The following TRIM2 variants were observed in gnomAD, a reference collection of about 807,000 sequenced individuals.
The protein encoded by TRIM2 is tripartite motif containing 2, also known as tripartite motif-containing protein 2.
In TRIM2, 20 loss-of-function variants were observed where a neutral mutation model predicts 75.2. The observed-to-expected ratio is 0.27, with a 90% CI of 0.19 to 0.39. The LOEUF is 0.39. TRIM2 is among the 10% of genes least tolerant of loss of function. TRIM2 has a pLI of 1.00. For synonymous variants in TRIM2, 373 were observed against 388.3 expected, an observed-to-expected ratio of 0.96 and a Z score of 0.46; for missense variants, 660 against 990.8, an observed-to-expected ratio of 0.67 and a Z score of 4.48.
intron 1 of TRIM2, among the ~76,000 whole-genome samples, chr4:153,241,431 T>C (rs538786524): frequency 6.6e-6 from 1 of 152,344 alleles, no homozygotes; most frequent in East Asian, 1.9e-4. Context: ...CACAGGTTTG[T>C]GGGCGAGACA....
intron 2 of TRIM2, among the ~76,000 whole-genome samples, chr4:153,273,270 C>CTTTTTTTTTTTTTTTGTTTTTTTTTTTTT (rs1757201179): frequency 1.7e-5 from 1 of 57,390 alleles, no homozygotes; most frequent in South Asian, 9.7e-4. Flanking sequence ...TACAGTCACT[C>CTTTTTTTTTTTTTTTGTTTTTTTTTTTTT]TTTTTTTTTT....
intron 1 of TRIM2, among the ~76,000 whole-genome samples, chr4:153,239,741 CAT>C (rs1746014530): frequency 6.6e-6 from 1 of 152,042 alleles, no homozygotes; most frequent in South Asian, 2.1e-4. Context: ...TAGGTATATA[CAT>C]GTCTCCTTTG....
At chr4:153,242,318 C>CT (rs56401547) in intron 1 of TRIM2, among the ~76,000 whole-genome samples, 6,688 of 147,704 alleles carry the variant, frequency 0.045, 140 homozygotes, top group African/African-American at 0.053. Context: ...TGTCTTGTAT[C>CT]TTTTTTTTTT....
At chr4:153,328,773 T>C in intron 11 of TRIM2, 103 bp downstream of exon 11, 1 of 1,335,320 alleles carries the variant, frequency 7.5e-7, no homozygotes, top group South Asian at 1.7e-5. Flanking sequence ...TTCCATTGGT[T>C]AGGACATAGA....
intron 3 of TRIM2, among the ~76,000 whole-genome samples, chr4:153,281,795 A>G (rs1005030417): frequency 2.0e-5 from 3 of 152,250 alleles, no homozygotes; most frequent in Non-Finnish European, 4.4e-5. Flanking sequence ...GTGATCTAAC[A>G]GGTTCTTTGC....
chr4:153,229,273 G>C (rs1301052481), intron 1 of TRIM2, among the ~76,000 whole-genome samples: 3 of 151,966 alleles, frequency 2.0e-5, no homozygotes, highest in African/African-American at 7.3e-5. Context: ...GACTTGTTTT[G>C]TTTTGTTTGA....
At chr4:153,152,412 A>G (rs111593236), upstream of TRIM2, 8 of 42,688 alleles carry the variant, frequency 1.9e-4, no homozygotes, top group Admixed American at 1.9e-3. Flanking sequence ...ATGTGTGTAT[A>G]TATATATATA....
At chr4:153,175,075 T>A in intron 1 of TRIM2, among the ~76,000 whole-genome samples, 1 of 152,106 alleles carries the variant, frequency 6.6e-6, no homozygotes, top group Non-Finnish European at 1.5e-5. Flanking sequence ...AGTGGTGCAA[T>A]CTCGGCTCGC....
At chr4:153,306,054 G>A (rs568388432) in intron 6 of TRIM2, among the ~76,000 whole-genome samples, 4 of 152,048 alleles carry the variant, frequency 2.6e-5, no homozygotes, top group Non-Finnish European at 4.4e-5. Context: ...GCTCGAACCC[G>A]GGAGGTAGAG....
chr4:153,164,821 C>T (rs1374288581), intron 1 of TRIM2, among the ~76,000 whole-genome samples: 2 of 152,158 alleles, frequency 1.3e-5, no homozygotes, highest in Admixed American at 1.3e-4. Context: ...GTCTTGATTA[C>T]GTCTGTATTT....
Position 153,276,143 on chromosome 4 carries a change from G to T in TRIM2, c.453+13G>T. 1 of 1,609,422 alleles carries T rather than the reference G, an allele frequency of 6.2e-7. No individual in the cohort carries two copies. The highest frequency in any genetic ancestry group is 8.5e-7 in the Non-Finnish European group (1 of 1,175,712). Reference sequence around the variant, plus strand: ...CCACGATGGGAATGTAAGTGGCTGGGATGGCAGATACTGCCCGGGAGCATG... The same window carrying T: ...CCACGATGGGAATGTAAGTGGCTGGTATGGCAGATACTGCCCGGGAGCATG... On this transcript the variant is annotated intron_variant, in intron 3 of 11. Transcript: ENST00000338700.
chr4:153,227,036 A>G (rs1256277541), intron 1 of TRIM2, among the ~76,000 whole-genome samples: 1 of 152,188 alleles, frequency 6.6e-6, no homozygotes, highest in Admixed American at 6.5e-5. Flanking sequence ...GGCATTAGTG[A>G]GCATCCTTCT....
At chr4:153,208,814 A>C (rs924180235) in intron 1 of TRIM2, among the ~76,000 whole-genome samples, 1 of 152,130 alleles carries the variant, frequency 6.6e-6, no homozygotes, top group Non-Finnish European at 1.5e-5. Context: ...AGGTTTCTAG[A>C]TGATGCTCCA....
At position 153,295,212 on chromosome 4, in the gene TRIM2, G is replaced by C. The variant is rs528925650; in HGVS notation, c.787-101G>C. The C allele has an allele frequency of 4.3e-6, 6 of 1,410,162 alleles. No homozygotes were observed. Among genetic ancestry groups the C allele is most frequent in the Non-Finnish European group, 5.6e-6 (6 of 1,068,816 alleles). The allele number at this position is 1,410,162 out of a possible 1,614,324, so 87.4% of individuals were successfully genotyped here. On this transcript the variant is annotated intron_variant, in intron 5 of 11. Coordinates refer to ENST00000338700, the MANE Select transcript of TRIM2 (RefSeq NM_015271.5). This position sits in a 1 kb window ranked among gnomAD's most constrained non-coding sequence, Gnocchi z 7.2. ...ACACCGCTTGCTCAGAGCCACCTGC[G>C]TGGGCAGGTGTAGAGTCTCCTTCTC...
At chr4:153,238,109 A>G (rs1402281803) in intron 1 of TRIM2, among the ~76,000 whole-genome samples, 1 of 152,096 alleles carries the variant, frequency 6.6e-6, no homozygotes, top group African/African-American at 2.4e-5. Flanking sequence ...CTTCTTGTTT[A>G]TTTGTCCTTC....
chr4:153,270,078 G>A (rs1756276091), intron 1 of TRIM2, among the ~76,000 whole-genome samples: 1 of 152,046 alleles, frequency 6.6e-6, no homozygotes, highest in Non-Finnish European at 1.5e-5. Flanking sequence ...ACAGGCGTGT[G>A]CCACCACACC....
Position 153,275,896 on chromosome 4 carries a change from C to T in TRIM2, c.219C>T (p.Cys73=), listed in dbSNP as rs1757915184. 6.2e-7 allele frequency: 1 copy of T among 1,613,582 alleles called. No homozygotes were observed. Among genetic ancestry groups the T allele is most frequent in the African/African-American group, 1.3e-5 (1 of 74,916 alleles). The change falls in exon 3 of 12, where the codon TGC becomes TGT. Residue 73 remains cysteine, a synonymous_variant. Coordinates refer to ENST00000338700, the MANE Select transcript of TRIM2 (RefSeq NM_015271.5). ...TCCACCTCTGCTTCTGCAACAGGTG[C>T]CTGCAGAACTACATTCCTGCCCACA... The part of the protein sequence containing the change: ...LPCLHTFCER[C]LQNYIPAHSL...
At chr4:153,193,378 G>A (rs1043506929) in intron 1 of TRIM2, among the ~76,000 whole-genome samples, 4 of 152,064 alleles carry the variant, frequency 2.6e-5, no homozygotes, top group South Asian at 2.1e-4. Context: ...TGATCCGCCC[G>A]CCTTGTCCTC....
intron 1 of TRIM2, among the ~76,000 whole-genome samples, chr4:153,179,859 A>T (rs1053598284): frequency 1.3e-5 from 2 of 152,216 alleles, no homozygotes; most frequent in Non-Finnish European, 2.9e-5. Context: ...GGGAGCCTCT[A>T]TTTAGATATC....
Sources: gnomAD v4.1 joint callset for allele counts (sites outside exome capture counted in the v4.1 genomes callset) on GRCh38, gnomAD v4.1.1 for gene constraint, Gnocchi (gnomAD v3.1) non-coding constraint, MANE v1.5 for transcripts, NCBI Gene and HGNC (gene_info 2026-07-23, HGNC 2026-07-21) for gene names.